Variants in TTLL5 observed in about 807,000 individuals in gnomAD.
The protein encoded by TTLL5 is tubulin tyrosine ligase like 5, also known as tubulin polyglutamylase TTLL5.
Under a neutral mutation model 168.4 loss-of-function variants are expected in TTLL5, and 132 were observed. The ratio of observed to expected loss-of-function variants is 0.78; its 90% confidence interval spans 0.68 to 0.91. The LOEUF is 0.91. Among genes scored for constraint, TTLL5 ranks in the 40% least tolerant of loss-of-function variants. TTLL5 has a pLI of 0.00. For synonymous variants in TTLL5, 546 were observed against 558.6 expected, an observed-to-expected ratio of 0.98 and a Z score of 0.32; for missense variants, 1,545 against 1,581.5, an observed-to-expected ratio of 0.98 and a Z score of 0.39.
chr14:75,789,911 C>T (rs1892597358), intron 26 of TTLL5, among the ~76,000 whole-genome samples: 1 of 151,898 alleles, frequency 6.6e-6, no homozygotes, highest in Non-Finnish European at 1.5e-5. Flanking sequence ...TAGTGAGAAC[C>T]TACTGAAGAA....
chr14:75,790,932 TAAAAA>T (rs778260505), intron 26 of TTLL5, among the ~76,000 whole-genome samples: 1 of 97,364 alleles, frequency 1.0e-5, no homozygotes. Context: ...CCATCTCTAC[TAAAAA>T]AAAAAAAAAA....
At chr14:75,879,311 G>A (rs760690077) in intron 29 of TTLL5, among the ~76,000 whole-genome samples, 1 of 152,178 alleles carries the variant, frequency 6.6e-6, no homozygotes, top group African/African-American at 2.4e-5. Flanking sequence ...TTAAGAATTT[G>A]CTTTCACAAC....
intron 29 of TTLL5, among the ~76,000 whole-genome samples, chr14:75,874,099 T>TATTC (rs2031267030): frequency 6.6e-6 from 1 of 152,114 alleles, no homozygotes; most frequent in African/African-American, 2.4e-5. Flanking sequence ...TTTATTTATT[T>TATTC]ATTTATTTTT....
rs146902706 is a variant in TTLL5 at position 75,898,606 on chromosome 14, C to T, written c.3741-3536C>T. On this transcript the variant is annotated intron_variant, in intron 30 of 31. Coordinates refer to ENST00000298832, the MANE Select transcript of TTLL5 (RefSeq NM_015072.5). The stretch of plus-strand genomic sequence containing the variant: ...GCAGTGAGCTGTGATTGTGCCACTA[C>T]ACTCCAGCCTGGGTGACAGAGTAAG... Among the ~76,000 whole-genome samples the T allele has an allele frequency of 8.4e-3, 1,277 of 152,270 alleles. 18 individuals carry two copies. Among genetic ancestry groups the T allele is most frequent in the African/African-American group, 0.029 (1,203 of 41,548 alleles).
At chr14:75,872,850 G>A (rs1448632158) in intron 29 of TTLL5, among the ~76,000 whole-genome samples, 1 of 150,102 alleles carries the variant, frequency 6.7e-6, no homozygotes, top group Non-Finnish European at 1.5e-5. Context: ...GGCGGAGGTT[G>A]CAGTGAGCCA....
rs775040334 is a variant in TTLL5 at position 75,732,438 on chromosome 14, C to G, written c.1124+19C>G. 1.2e-6 allele frequency: 2 copies of G among 1,605,422 alleles called. No individual in the cohort carries two copies. Among genetic ancestry groups the G allele is most frequent in the Admixed American group, 1.7e-5 (1 of 59,114 alleles). ...TGGCCTGGTAAGTCAGTTCCATCAA[C>G]TAAAAAAGGACAAATCTTCAAGTAG... is the stretch of plus-strand genomic sequence containing the variant. On this transcript the variant is annotated intron_variant, in intron 13 of 31. Coordinates refer to ENST00000298832, the MANE Select transcript of TTLL5 (RefSeq NM_015072.5).
At chr14:75,832,609 A>T (rs1371016411) in intron 28 of TTLL5, among the ~76,000 whole-genome samples, 3 of 152,214 alleles carry the variant, frequency 2.0e-5, no homozygotes, top group East Asian at 1.9e-4. Flanking sequence ...GAGATCCCAT[A>T]TGTGAACGTG....
Position 75,744,929 on chromosome 14 carries a change from C to T in TTLL5, c.1282-166C>T, listed in dbSNP as rs1889508061. Among the ~76,000 whole-genome samples, 2 of 152,152 alleles carry T rather than the reference C, an allele frequency of 1.3e-5. 1 individual carries two copies. Among genetic ancestry groups the T allele is most frequent in the Non-Finnish European group, 2.9e-5 (2 of 68,030 alleles). On this transcript the variant is annotated intron_variant, in intron 15 of 31. Coordinates refer to ENST00000298832, the MANE Select transcript of TTLL5 (RefSeq NM_015072.5). ...TGCCTTTGAGTTTATTAGCTTTCGT[C>T]TGTTTTCCAGGGTTCCAGGCTGAGA...
intron 12 of TTLL5, 114 bp downstream of exon 12, chr14:75,720,817 A>G: frequency 4.7e-6 from 4 of 846,696 alleles, no homozygotes; most frequent in South Asian, 1.5e-5. Flanking sequence ...TATGTGATGG[A>G]CTCTTCTTTC....
intron 9 of TTLL5, chr14:75,711,520 C>G (rs916542948): frequency 6.6e-6 from 1 of 151,938 alleles, no homozygotes; most frequent in African/African-American, 2.4e-5. Flanking sequence ...ATAAAAATTT[C>G]AAAAAAATTA....
At chr14:75,682,566 G>A (rs1483827461) in intron 4 of TTLL5, among the ~76,000 whole-genome samples, 1 of 152,104 alleles carries the variant, frequency 6.6e-6, no homozygotes, top group Non-Finnish European at 1.5e-5. Flanking sequence ...GAGGGGATGG[G>A]TGGGTGATTG....
intron 21 of TTLL5, among the ~76,000 whole-genome samples, chr14:75,774,574 G>A (rs1189001791): frequency 6.6e-6 from 1 of 152,018 alleles, no homozygotes; most frequent in East Asian, 1.9e-4. Flanking sequence ...TCCCTCAGTG[G>A]TCAGATCCAA....
At chr14:75,864,090 T>G (rs1381152984) in intron 29 of TTLL5, among the ~76,000 whole-genome samples, 1 of 152,096 alleles carries the variant, frequency 6.6e-6, no homozygotes, top group African/African-American at 2.4e-5. Context: ...GACATGTTTT[T>G]TTTTCATTTG....
At chr14:75,709,330 C>A in intron 9 of TTLL5, 1 of 647,720 alleles carries the variant, frequency 1.5e-6, no homozygotes, top group South Asian at 1.6e-5. Context: ...TCACATGTAT[C>A]CTATGACTTG....
intron 6 of TTLL5, among the ~76,000 whole-genome samples, chr14:75,698,400 A>C (rs1469028554): frequency 6.6e-6 from 1 of 152,148 alleles, no homozygotes; most frequent in African/African-American, 2.4e-5. Context: ...ACATTGCTTG[A>C]TTTACAGTGA....
At chr14:75,717,787 C>T (rs750783465) in intron 9 of TTLL5, 74 bp from the exon 10 acceptor site, 11 of 1,379,968 alleles carry the variant, frequency 8.0e-6, no homozygotes, top group Admixed American at 3.5e-5. Flanking sequence ...ATTATTATCT[C>T]ATTGATCCTC....
chr14:75,745,412 A>G, intron 16 of TTLL5, 78 bp from the exon 17 acceptor site: 2 of 1,438,880 alleles, frequency 1.4e-6, no homozygotes, highest in South Asian at 1.2e-5. Flanking sequence ...TTGGGTCATA[A>G]CTATCTTCCT....
chr14:75,910,974 G>C (rs958138653), intron 31 of TTLL5, among the ~76,000 whole-genome samples: 1 of 152,122 alleles, frequency 6.6e-6, no homozygotes, highest in Admixed American at 6.6e-5. Context: ...CTTAAAACTT[G>C]AATGCAGGGT....
At chr14:75,831,142 T>C (rs1327284092) in intron 28 of TTLL5, among the ~76,000 whole-genome samples, 3 of 152,140 alleles carry the variant, frequency 2.0e-5, no homozygotes, top group Non-Finnish European at 4.4e-5. Flanking sequence ...ACCCAGAAGA[T>C]GTAATAAAGA....
Sources: gnomAD v4.1 joint callset for allele counts (sites outside exome capture counted in the v4.1 genomes callset) on GRCh38, gnomAD v4.1.1 for gene constraint, MANE v1.5 for transcripts, NCBI Gene and HGNC (gene_info 2026-07-23, HGNC 2026-07-21) for gene names.